CDH2: variants seen among roughly 807,000 people sequenced by gnomAD.
CDH2 encodes cadherin 2.
In CDH2, 17 loss-of-function variants were observed where a neutral mutation model predicts 92.0. The observed-to-expected ratio is 0.18, with a 90% confidence interval of 0.13 to 0.28. CDH2 has a LOEUF of 0.28. CDH2 is among the 10% of genes least tolerant of loss of function. CDH2 has a pLI of 1.00. For synonymous variants in CDH2, 419 were observed against 415.9 expected, an observed-to-expected ratio of 1.01 and a Z score of -0.09; for missense variants, 862 against 1,133.1, an observed-to-expected ratio of 0.76 and a Z score of 3.44.
At chr18:27,972,683 T>C (rs2011696028) in intron 14 of CDH2, among the ~76,000 whole-genome samples, 1 of 152,162 alleles carries the variant, frequency 6.6e-6, no homozygotes, top group Admixed American at 6.5e-5. Context: ...CAAACTAAGT[T>C]AGAAATTCAG....
At position 28,030,198 on chromosome 18, in the gene CDH2, A is replaced by G. The variant is rs573262680; in HGVS notation, c.173-16289T>C. 7.9e-5 allele frequency among the ~76,000 whole-genome samples: 12 copies of G among 152,268 alleles called. No individual in the cohort carries two copies. In the South Asian group the frequency reaches 2.3e-3, roughly 29 times the overall value. On this transcript the variant is annotated intron_variant, in intron 2 of 15. Transcript: ENST00000269141. ...TATTTTTTTTGGAAAACTAACTTAC[A>G]GTAGACATTTGACTTCCATAAGCAT...
chr18:27,997,450 T>C (rs1161956359), intron 7 of CDH2, among the ~76,000 whole-genome samples: 1 of 151,988 alleles, frequency 6.6e-6, no homozygotes, highest in East Asian at 1.9e-4. Context: ...AGTCTAGAAA[T>C]GGTAGGAAGA....
chr18:27,944,413 T>C (rs1489787462), intron 6 of CDH2, among the ~76,000 whole-genome samples: 1 of 152,190 alleles, frequency 6.6e-6, no homozygotes, highest in African/African-American at 2.4e-5. Context: ...TTCCTGAATA[T>C]ATGAATACTT....
chr18:27,983,207 C>T (rs2012116511), intron 13 of CDH2, 124 bp from the exon 14 acceptor site: 24 of 634,674 alleles, frequency 3.8e-5, no homozygotes, highest in Non-Finnish European at 5.7e-5. Context: ...GCGTCTTTCA[C>T]TCTACTATCT....
chr18:28,006,190 T>C (rs1362390756), intron 5 of CDH2, among the ~76,000 whole-genome samples, 197 bp from the exon 6 acceptor site: 1 of 152,206 alleles, frequency 6.6e-6, no homozygotes, highest in African/African-American at 2.4e-5. Context: ...TCATTTACTA[T>C]ATGCTAGGCA....
chr18:27,944,440 G>C (rs1909218145), intron 6 of CDH2, among the ~76,000 whole-genome samples: 1 of 152,004 alleles, frequency 6.6e-6, no homozygotes, highest in Non-Finnish European at 1.5e-5. Context: ...ATTACTCGAG[G>C]TCAGCATGTC....
intron 7 of CDH2, among the ~76,000 whole-genome samples, chr18:27,998,811 G>T (rs1029171261): frequency 6.6e-6 from 1 of 152,128 alleles, no homozygotes; most frequent in Non-Finnish European, 1.5e-5. Context: ...GTAGAGACAG[G>T]GTTTCGCCAT....
intron 2 of CDH2, among the ~76,000 whole-genome samples, chr18:28,043,889 G>GGTTTTTTT (rs1298359943): frequency 1.3e-5 from 1 of 78,248 alleles, no homozygotes; most frequent in Non-Finnish European, 2.8e-5. Flanking sequence ...CAGAATCTCG[G>GGTTTTTTT]ATTTTTTTTT....
intron 10 of CDH2, 127 bp downstream of exon 10, chr18:27,989,970 A>C: frequency 1.3e-6 from 1 of 759,684 alleles, no homozygotes; most frequent in Non-Finnish European, 2.1e-6. Flanking sequence ...AAAGAATTTT[A>C]AATTATCTTT....
At position 28,076,078 on chromosome 18, in the gene CDH2, T is replaced by C. The variant is rs553074971; in HGVS notation, c.173-62169A>G. Among the ~76,000 whole-genome samples, 8 of 152,300 alleles carry C rather than the reference T, an allele frequency of 5.3e-5. No individual in the cohort carries two copies. In the South Asian group the frequency reaches 1.0e-3, roughly 20 times the overall value. ...TGCCCCTAGCATCAAAGCTTTAAAA[T>C]GGAATGAGGTACCTTTCATAGACTC... On this transcript the variant is annotated intron_variant, in intron 2 of 15. Transcript: ENST00000269141.
At chr18:28,089,939 C>A (rs761353908) in intron 2 of CDH2, among the ~76,000 whole-genome samples, 8 of 152,178 alleles carry the variant, frequency 5.3e-5, no homozygotes, top group Non-Finnish European at 1.2e-4. Context: ...TCCATATCCA[C>A]GTGAATTATG....
chr18:28,139,191 G>A (rs984659100), intron 2 of CDH2, among the ~76,000 whole-genome samples: 1 of 152,036 alleles, frequency 6.6e-6, no homozygotes, highest in African/African-American at 2.4e-5. Context: ...TCTGCAGGAT[G>A]TGTTAAAAAA....
chr18:28,027,257 G>T (rs150687305), intron 2 of CDH2, among the ~76,000 whole-genome samples: 90 of 151,956 alleles, frequency 5.9e-4, no homozygotes, highest in Non-Finnish European at 1.1e-3. Flanking sequence ...GTAAAATTAG[G>T]ACAAAAGGTC....
Position 27,951,379 on chromosome 18 carries a change from AAAT to A in CDH2, c.*771_*773del, listed in dbSNP as rs1388013696. Reference sequence around the variant, plus strand: ...TGCAAAAAACCTGAATCCATAGTCCAAATAATACATACACATGTTCTGAAGTTT... The same window carrying A: ...TGCAAAAAACCTGAATCCATAGTCCAAATACATACACATGTTCTGAAGTTT... On this transcript the variant is annotated 3_prime_UTR_variant, in exon 16 of 16. Transcript: ENST00000269141. The A allele has an allele frequency of 6.6e-6, 1 of 152,572 alleles. No individual in the cohort carries two copies. Among genetic ancestry groups the A allele is most frequent in the Non-Finnish European group, 1.5e-5 (1 of 68,012 alleles). 9.5% of individuals were successfully genotyped at this position (152,572 alleles called of 1,614,324 possible).
At chr18:28,050,756 C>T (rs978421372) in intron 2 of CDH2, among the ~76,000 whole-genome samples, 2 of 152,170 alleles carry the variant, frequency 1.3e-5, no homozygotes, top group Non-Finnish European at 2.9e-5. Flanking sequence ...CCAGATGGTC[C>T]ACTTGACAAG....
intron 2 of CDH2, among the ~76,000 whole-genome samples, chr18:28,113,475 G>GA (rs72389815): frequency 1.2e-3 from 138 of 113,098 alleles, no homozygotes; most frequent in Non-Finnish European, 1.2e-3. Context: ...CCAGCAAAAG[G>GA]AAAAAAAAAA....
At chr18:27,976,741 G>C (rs1413835615) in intron 14 of CDH2, among the ~76,000 whole-genome samples, 4 of 152,180 alleles carry the variant, frequency 2.6e-5, no homozygotes, top group African/African-American at 9.7e-5. Flanking sequence ...TATTAGTATA[G>C]AGAATGAAAC....
At chr18:28,005,061 C>T (rs186235584) in intron 6 of CDH2, among the ~76,000 whole-genome samples, 20 of 152,308 alleles carry the variant, frequency 1.3e-4, no homozygotes, top group Middle Eastern at 3.4e-3. Flanking sequence ...TCTCTCTGAA[C>T]ACCACGCCAT....
intron 2 of CDH2, among the ~76,000 whole-genome samples, chr18:28,098,792 C>T (rs1007122733): frequency 6.6e-6 from 1 of 152,114 alleles, no homozygotes; most frequent in African/African-American, 2.4e-5. Context: ...CTTGTTCATT[C>T]TCAGGTGGGA....
Sources: gnomAD v4.1 joint callset for allele counts (sites outside exome capture counted in the v4.1 genomes callset) on GRCh38, gnomAD v4.1.1 for gene constraint, MANE v1.5 for transcripts, NCBI Gene and HGNC (gene_info 2026-07-23, HGNC 2026-07-21) for gene names.